ATF7IP2: variants seen among roughly 807,000 people sequenced by gnomAD.
The protein encoded by ATF7IP2 is activating transcription factor 7 interacting protein 2.
In ATF7IP2, 42 loss-of-function variants were observed where a neutral mutation model predicts 64.2. That is an observed-to-expected ratio of 0.65 (90% CI 0.51 to 0.85). ATF7IP2 has a LOEUF of 0.85. ATF7IP2 is among the 40% of genes least tolerant of loss of function. ATF7IP2 has a pLI of 0.00. For missense variants in ATF7IP2, 933 were observed against 784.2 expected, an observed-to-expected ratio of 1.19 and a Z score of -2.27; for synonymous variants, 308 against 272.8, an observed-to-expected ratio of 1.13 and a Z score of -1.27.
chr16:10,388,765 C>G (rs921680976), intron 1 of ATF7IP2, among the ~76,000 whole-genome samples: 1 of 152,018 alleles, frequency 6.6e-6, no homozygotes, highest in Non-Finnish European at 1.5e-5. Context: ...AATCCCAGCA[C>G]TTTGGGAGGC....
At chr16:10,393,368 A>T (rs538679631) in intron 1 of ATF7IP2, among the ~76,000 whole-genome samples, 1 of 151,330 alleles carries the variant, frequency 6.6e-6, no homozygotes, top group South Asian at 2.1e-4. Context: ...ATCCTATGGC[A>T]GTAAAGGAAT....
In ATF7IP2 at chr16:10,457,363, A is replaced by G. The variant is rs1287677154; in HGVS notation, c.1195-9A>G. On this transcript the variant is annotated splice_polypyrimidine_tract_variant and intron_variant, in intron 8 of 13. Coordinates refer to ENST00000562102, the MANE Select transcript of ATF7IP2 (RefSeq NM_001393719.1). ...CCCTTCAACTGCTTTTTTCTCACCT[A>G]TTTAATAGGTTGCAAATTCAGAGGC... 2.5e-6 allele frequency: 4 copies of G among 1,596,442 alleles called. No individual in the cohort carries two copies. The highest frequency in any genetic ancestry group is 2.6e-6 in the Non-Finnish European group (3 of 1,174,862).
intron 3 of ATF7IP2, among the ~76,000 whole-genome samples, chr16:10,426,090 AAATT>A (rs567865382): frequency 3.3e-5 from 5 of 152,240 alleles, no homozygotes; most frequent in Non-Finnish European, 7.3e-5. Flanking sequence ...GTGCTAAAAT[AAATT>A]CTAGATGGAT....
At chr16:10,448,655 G>C (rs1342708144) in intron 8 of ATF7IP2, 1 of 152,064 alleles carries the variant, frequency 6.6e-6, no homozygotes, top group East Asian at 1.9e-4. Context: ...AAGGAGATTT[G>C]GGGCTGAGAT....
intron 9 of ATF7IP2, among the ~76,000 whole-genome samples, chr16:10,458,617 TTATAAAA>T (rs1175508520): frequency 6.6e-6 from 1 of 152,166 alleles, no homozygotes; most frequent in Admixed American, 6.6e-5. Flanking sequence ...ATGGTGAGTT[TTATAAAA>T]TATTTAAGCA....
At chr16:10,412,820 G>C (rs2047798463) in intron 1 of ATF7IP2, among the ~76,000 whole-genome samples, 1 of 152,056 alleles carries the variant, frequency 6.6e-6, no homozygotes, top group South Asian at 2.1e-4. Flanking sequence ...CATTTCTTAA[G>C]TTTTATCAGT....
In ATF7IP2 at chr16:10,457,577, T is replaced by C. The variant is rs200149128; in HGVS notation, c.1352+48T>C. On this transcript the variant is annotated intron_variant, in intron 9 of 13. Transcript: ENST00000562102. ...ATAAATTTATCTAAATCTATAATAA[T>C]GAATTTTTTCTTCATCACAGTTTTG... is the stretch of plus-strand genomic sequence containing the variant. 495 of 1,375,960 alleles carry C rather than the reference T, an allele frequency of 3.6e-4. 1 individual carries two copies. Among genetic ancestry groups the C allele is most frequent in the Non-Finnish European group, 4.4e-4 (451 of 1,020,898 alleles). The allele number at this position is 1,375,960 out of a possible 1,614,324, so 85.2% of individuals were successfully genotyped here.
At position 10,429,758 on chromosome 16, in the gene ATF7IP2, A is replaced by ATTTATTTTATTTTATTATT. The variant is rs1555507628; in HGVS notation, c.-11+744_-11+745insTATTTTATTTTATTATTTT. On this transcript the variant is annotated intron_variant, in intron 4 of 13. Transcript: ENST00000562102. ...TATTTTATTTTATTTATTTTATTTT[A>ATTTATTTTATTTTATTATT]TTATTTTATTTTATTTTAATTTAAT... Among the ~76,000 whole-genome samples, 657 of 128,316 alleles carry ATTTATTTTATTTTATTATT rather than the reference A, an allele frequency of 5.1e-3. 10 individuals carry two copies. The highest frequency in any genetic ancestry group is 0.015 in the African/African-American group (541 of 35,644). 84.2% of individuals were successfully genotyped at this position (128,316 alleles called of 152,430 possible).
rs554842887 is a variant in ATF7IP2, at chr16:10,467,118, C to G, written c.1353-4992C>G. On this transcript the variant is annotated intron_variant, in intron 9 of 13. Coordinates refer to ENST00000562102, the MANE Select transcript of ATF7IP2 (RefSeq NM_001393719.1). ...ATGATATCACAAGGCTTGTAGTAAT[C>G]TTGGTAAGGCTCCTTCTACCTCTAG... Among the ~76,000 whole-genome samples, 3 of 152,288 alleles carry G rather than the reference C, an allele frequency of 2.0e-5. No homozygotes were observed. In the South Asian group the frequency reaches 6.2e-4, roughly 32 times the overall value.
intron 1 of ATF7IP2, among the ~76,000 whole-genome samples, chr16:10,400,573 T>C (rs1462868741): frequency 6.6e-6 from 1 of 152,254 alleles, no homozygotes; most frequent in Non-Finnish European, 1.5e-5. Flanking sequence ...GTTCAAGTTC[T>C]TAGAGGGGAT....
At chr16:10,394,716 T>A (rs1178480319) in intron 1 of ATF7IP2, among the ~76,000 whole-genome samples, 1 of 152,060 alleles carries the variant, frequency 6.6e-6, no homozygotes, top group East Asian at 1.9e-4. Context: ...AAAAGAAACT[T>A]GAGAAATTTA....
At chr16:10,397,439 G>A (rs1292139087) in intron 1 of ATF7IP2, among the ~76,000 whole-genome samples, 2 of 152,172 alleles carry the variant, frequency 1.3e-5, no homozygotes, top group East Asian at 1.9e-4. Context: ...AGTCATTTTA[G>A]CAGTATTAAT....
At chr16:10,439,359 C>T (rs1229133164) in intron 7 of ATF7IP2, among the ~76,000 whole-genome samples, 1 of 150,804 alleles carries the variant, frequency 6.6e-6, no homozygotes, top group Non-Finnish European at 1.5e-5. Flanking sequence ...CTACTGTAGT[C>T]CCAGTAGCTG....
chr16:10,443,348 G>T (rs4029453), intron 8 of ATF7IP2, among the ~76,000 whole-genome samples: 83,447 of 151,862 alleles, frequency 0.55, 23,045 homozygotes, highest in East Asian at 0.69. Context: ...TGGACTTCAG[G>T]CAATAGCAGA....
chr16:10,405,674 C>A (rs1240449688), intron 1 of ATF7IP2, among the ~76,000 whole-genome samples: 1 of 152,192 alleles, frequency 6.6e-6, no homozygotes, highest in African/African-American at 2.4e-5. Context: ...TCATCAACGT[C>A]CTCCCAGGCA....
At chr16:10,415,906 T>C (rs144099599) in intron 2 of ATF7IP2, among the ~76,000 whole-genome samples, 1 of 152,316 alleles carries the variant, frequency 6.6e-6, no homozygotes, top group Non-Finnish European at 1.5e-5. Flanking sequence ...CAGTGAGATA[T>C]CACACCTCAT....
chr16:10,482,444 G>C lies in ATF7IP2; in HGVS notation c.*195G>C, dbSNP rs1229032740. On this transcript the variant is annotated 3_prime_UTR_variant, in exon 14 of 14. Coordinates refer to ENST00000562102, the MANE Select transcript of ATF7IP2 (RefSeq NM_001393719.1). ...TTGTATTAAATATGTCCTTCCAATG[G>C]ATAAGTTCTAAAACATACGCTATCA... The C allele has an allele frequency of 4.1e-6, 2 of 490,052 alleles. No individual in the cohort carries two copies. The highest frequency in any genetic ancestry group is 3.9e-5 in the African/African-American group (2 of 50,650). 30.4% of individuals were successfully genotyped at this position (490,052 alleles called of 1,614,324 possible).
intron 3 of ATF7IP2, among the ~76,000 whole-genome samples, chr16:10,423,304 C>T (rs1051129906): frequency 1.3e-5 from 2 of 152,206 alleles, no homozygotes; most frequent in Non-Finnish European, 2.9e-5. Context: ...ATGCTGGCAT[C>T]ATCTGGCTGG....
chr16:10,449,410 A>G (rs1048369336), intron 8 of ATF7IP2: 1 of 152,228 alleles, frequency 6.6e-6, no homozygotes, highest in African/African-American at 2.4e-5. Flanking sequence ...TACCTCTGGT[A>G]GGATTTGGCT....
Sources: gnomAD v4.1 joint callset for allele counts (sites outside exome capture counted in the v4.1 genomes callset) on GRCh38, gnomAD v4.1.1 for gene constraint, MANE v1.5 for transcripts, NCBI Gene and HGNC (gene_info 2026-07-23, HGNC 2026-07-21) for gene names.